ABCC9: variants seen among roughly 807,000 people sequenced by gnomAD.
ABCC9 encodes ATP binding cassette subfamily C member 9.
A neutral mutation model predicts 188.3 loss-of-function variants in ABCC9; 95 were observed. That is an observed-to-expected ratio of 0.50 (90% CI 0.43 to 0.60). The LOEUF (loss-of-function observed/expected upper bound fraction) is 0.60, where lower values mean the gene tolerates loss of function less well. Among genes scored for constraint, ABCC9 ranks in the 20% least tolerant of loss-of-function variants. The pLI is 0.00. For synonymous variants in ABCC9, 659 were observed against 652.7 expected, an observed-to-expected ratio of 1.01 and a Z score of -0.15; for missense variants, 1,102 against 1,876.3, an observed-to-expected ratio of 0.59 and a Z score of 7.62.
intron 13 of ABCC9, among the ~76,000 whole-genome samples, 200 bp from the exon 14 acceptor site, chr12:21,894,374 G>A (rs1208455413): frequency 3.3e-5 from 5 of 152,138 alleles, no homozygotes; most frequent in Admixed American, 2.0e-4. Context: ...AATTATAGTG[G>A]CAAACTTATG....
At chr12:21,801,287 G>T in intron 39 of ABCC9, 106 bp from the exon 40 acceptor site, 2 of 1,448,188 alleles carry the variant, frequency 1.4e-6, no homozygotes, top group South Asian at 1.2e-5. Context: ...TGTTTATCTT[G>T]GTGAGTGACA....
At chr12:21,903,059 C>A (rs1250143824) in intron 12 of ABCC9, among the ~76,000 whole-genome samples, 1 of 152,162 alleles carries the variant, frequency 6.6e-6, no homozygotes, top group East Asian at 1.9e-4. Flanking sequence ...TACTGGTAAA[C>A]TGAATCCAGC....
At chr12:21,878,876 T>G (rs1946495447) in intron 16 of ABCC9, among the ~76,000 whole-genome samples, 1 of 152,282 alleles carries the variant, frequency 6.6e-6, no homozygotes, top group Middle Eastern at 3.4e-3. Flanking sequence ...CCCTCCTGCC[T>G]TTTACAAAAT....
In ABCC9 at chr12:21,860,796, C is replaced by A. The variant is rs558190052; in HGVS notation, c.2424+175G>T. Reference sequence around the variant, plus strand: ...AGTGATTACTCAATAAATATTAATACGTAAGAAAGAGTGGCATCAAAGGAC... The same window carrying A: ...AGTGATTACTCAATAAATATTAATAAGTAAGAAAGAGTGGCATCAAAGGAC... On this transcript the variant is annotated intron_variant, in intron 21 of 39. Transcript: ENST00000261200. 5.3e-5 allele frequency among the ~76,000 whole-genome samples: 8 copies of A among 152,204 alleles called. No homozygotes were observed. In the South Asian group the frequency reaches 1.7e-3, roughly 32 times the overall value.
rs1409631506 is a variant in ABCC9, at chr12:21,798,632, T to C, written c.*2412A>G. ...GTAGGTTGCCTGTTCACTCTGATGG[T>C]AGTTTCTTTTGCTGTGCAGAAGCTC... On this transcript the variant is annotated 3_prime_UTR_variant, in exon 40 of 40. Transcript: ENST00000261200. The C allele has an allele frequency of 6.6e-6, 1 of 151,944 alleles. No individual in the cohort carries two copies. Among genetic ancestry groups the C allele is most frequent in the Non-Finnish European group, 1.5e-5 (1 of 68,006 alleles). 9.4% of individuals were successfully genotyped at this position (151,944 alleles called of 1,614,324 possible).
chr12:21,867,851 A>G (rs550851826), intron 18 of ABCC9, among the ~76,000 whole-genome samples: 144 of 151,692 alleles, frequency 9.5e-4, no homozygotes, highest in African/African-American at 3.5e-3. Context: ...AAACAAAGAT[A>G]AATGACAAGC....
intron 8 of ABCC9, 26 bp from the exon 9 acceptor site, chr12:21,911,004 A>T (rs369345480): frequency 1.9e-6 from 3 of 1,610,582 alleles, no homozygotes; most frequent in Admixed American, 3.3e-5. Context: ...AAAAAGTGTC[A>T]TATTAAAACT....
At chr12:21,809,813 G>T in intron 37 of ABCC9, 39 bp downstream of exon 37, 2 of 1,190,038 alleles carry the variant, frequency 1.7e-6, no homozygotes, top group Non-Finnish European at 1.3e-6. Context: ...AGGATTAATG[G>T]CATATATAAA....
chr12:21,874,832 T>G (rs1322713737), intron 17 of ABCC9, among the ~76,000 whole-genome samples: 1 of 152,180 alleles, frequency 6.6e-6, no homozygotes, highest in Non-Finnish European at 1.5e-5. Context: ...TTTAACTAAT[T>G]TAGTCAAAAT....
intron 37 of ABCC9, among the ~76,000 whole-genome samples, chr12:21,807,739 C>T (rs1318875249): frequency 6.6e-6 from 1 of 152,138 alleles, no homozygotes; most frequent in Non-Finnish European, 1.5e-5. Flanking sequence ...ACAGAAAGAT[C>T]TTGGAAATTA....
In ABCC9 at chr12:21,910,179, T is replaced by G; in HGVS notation, c.1298A>C (p.Asn433Thr). The change falls in exon 10 of 40, where the codon AAT becomes ACT. Residue 433 changes from asparagine (N) to threonine (T), a missense_variant. Around this residue, in one of 12 missense-constraint regions of ABCC9, gnomAD observed 305 missense variants for 573.0 expected, o/e 0.53. Transcript: ENST00000261200. ...TACCTGAACAGGCATAGCCCATAGA[T>G]TGGGACACAGGAACAAAAACCACAT... ...QLMWFLFLCP[N>T]LWAMPVQIIM... is the part of the protein sequence containing the mutation. The G allele has an allele frequency of 6.2e-7, 1 of 1,611,442 alleles. No individual in the cohort carries two copies. Among genetic ancestry groups the G allele is most frequent in the Non-Finnish European group, 8.5e-7 (1 of 1,178,092 alleles).
intron 12 of ABCC9, among the ~76,000 whole-genome samples, chr12:21,901,461 C>A (rs576311042): frequency 1.1e-4 from 16 of 152,184 alleles, no homozygotes; most frequent in South Asian, 4.2e-4. Flanking sequence ...ACAATATTAA[C>A]CTTAAAAGTA....
chr12:21,818,162 C>G lies in ABCC9; in HGVS notation c.3759G>C (p.Leu1253=), dbSNP rs1344118696. ...SNSGLVGLGL[L]YALTITNYLN... ...TATCCATACCTACCGTAAGTGCATA[C>G]AGAAGACCCAAGCCTACCAATCCAG... The change falls in exon 32 of 40, where the codon CTG becomes CTC. Residue 1253 remains leucine, a synonymous_variant. Coordinates refer to ENST00000261200, the MANE Select transcript of ABCC9 (RefSeq NM_020297.4). 6.2e-7 allele frequency: 1 copy of G among 1,612,594 alleles called. No individual in the cohort carries two copies. Among genetic ancestry groups the G allele is most frequent in the Non-Finnish European group, 8.5e-7 (1 of 1,178,672 alleles).
intron 32 of ABCC9, among the ~76,000 whole-genome samples, 189 bp downstream of exon 32, chr12:21,817,961 C>T (rs1942758430): frequency 6.6e-6 from 1 of 151,928 alleles, no homozygotes; most frequent in African/African-American, 2.4e-5. Context: ...ATACGTGTGC[C>T]ATGATGGTTT....
At chr12:21,893,101 T>G (rs1276760160) in intron 14 of ABCC9, among the ~76,000 whole-genome samples, 3 of 152,174 alleles carry the variant, frequency 2.0e-5, no homozygotes, top group South Asian at 4.1e-4. Context: ...GCCTTATTTA[T>G]GGGAGCATAA....
chr12:21,805,532 A>G (rs955417072), intron 39 of ABCC9, among the ~76,000 whole-genome samples: 3 of 152,180 alleles, frequency 2.0e-5, no homozygotes, highest in African/African-American at 7.2e-5. Flanking sequence ...TAAAATAGAA[A>G]AAATTACCTG....
intron 14 of ABCC9, among the ~76,000 whole-genome samples, chr12:21,888,946 A>G (rs1947010313): frequency 1.3e-5 from 2 of 152,164 alleles, no homozygotes; most frequent in African/African-American, 4.8e-5. Context: ...AGCAGCAACT[A>G]CAGGGGAGGT....
At chr12:21,808,743 C>T (rs1942025523) in intron 37 of ABCC9, among the ~76,000 whole-genome samples, 1 of 139,510 alleles carries the variant, frequency 7.2e-6, no homozygotes, top group African/African-American at 2.7e-5. Context: ...ATAGCCACTG[C>T]ACTCAAGTCT....
intron 38 of ABCC9, among the ~76,000 whole-genome samples, chr12:21,806,370 G>C (rs578035630): frequency 6.6e-6 from 1 of 152,254 alleles, no homozygotes; most frequent in Admixed American, 6.5e-5. Context: ...ACCACAAAAA[G>C]TATGTATTTG....
Sources: allele counts gnomAD v4.1 joint callset (sites outside exome capture counted in the v4.1 genomes callset), GRCh38; gene constraint gnomAD v4.1.1; regional missense constraint gnomAD v4.1.1; transcripts MANE v1.5; gene names NCBI Gene and HGNC (gene_info 2026-07-23, HGNC 2026-07-21).